ADCY9: variants seen among roughly 807,000 people sequenced by gnomAD.
ADCY9 encodes the protein adenylate cyclase 9.
In ADCY9, 50 loss-of-function variants were observed where a neutral mutation model predicts 101.5. The ratio of observed to expected loss-of-function variants is 0.49; its 90% CI spans 0.39 to 0.62. The LOEUF is 0.62. ADCY9 is among the 20% of genes least tolerant of loss of function. The probability of loss-of-function intolerance (pLI) is 0.00; values close to 1 mark genes in which losing one functional copy is unlikely to be tolerated. For missense variants in ADCY9, 1,662 were observed against 1,800.4 expected, an observed-to-expected ratio of 0.92 and a Z score of 1.39; for synonymous variants, 905 against 769.3, an observed-to-expected ratio of 1.18 and a Z score of -2.92.
At chr16:4,030,125 C>T (rs1445338263) in intron 2 of ADCY9, among the ~76,000 whole-genome samples, 1 of 152,184 alleles carries the variant, frequency 6.6e-6, no homozygotes, top group Non-Finnish European at 1.5e-5. Context: ...TGAAGACACT[C>T]ACACTCTATG....
chr16:3,968,020 T>C (rs893191449), intron 10 of ADCY9, among the ~76,000 whole-genome samples: 3 of 152,090 alleles, frequency 2.0e-5, no homozygotes, highest in East Asian at 3.9e-4. Context: ...TGAAAGTAAG[T>C]TGCTGACATG....
intron 5 of ADCY9, among the ~76,000 whole-genome samples, chr16:3,990,948 C>G (rs965523394): frequency 6.6e-6 from 1 of 152,120 alleles, no homozygotes; most frequent in Non-Finnish European, 1.5e-5. Context: ...GACAGGCACC[C>G]GCCACCACGC....
At chr16:4,023,359 C>T (rs2056491156) in intron 2 of ADCY9, among the ~76,000 whole-genome samples, 1 of 152,190 alleles carries the variant, frequency 6.6e-6, no homozygotes, top group Admixed American at 6.5e-5. Flanking sequence ...AGAGAATACC[C>T]AACATGCGGT....
intron 6 of ADCY9, among the ~76,000 whole-genome samples, chr16:3,987,601 C>T (rs1427321479): frequency 6.6e-6 from 1 of 152,224 alleles, no homozygotes. Flanking sequence ...ACTTGCAAGT[C>T]CACTCCGGGA....
intron 2 of ADCY9, among the ~76,000 whole-genome samples, chr16:4,066,631 C>G (rs1482236070): frequency 6.6e-6 from 1 of 152,098 alleles, no homozygotes; most frequent in Non-Finnish European, 1.5e-5. Flanking sequence ...GTGATCCTCC[C>G]GCCTCAGCCT....
At chr16:4,097,528 C>CATATATATATATATATAT (rs1166805300) in intron 2 of ADCY9, among the ~76,000 whole-genome samples, 2 of 64,538 alleles carry the variant, frequency 3.1e-5, no homozygotes, top group African/African-American at 1.7e-4. Flanking sequence ...TACATATGTA[C>CATATATATATATATATAT]ATATATATAT....
chr16:4,003,641 T>G (rs1336726615), intron 3 of ADCY9, among the ~76,000 whole-genome samples: 3 of 150,282 alleles, frequency 2.0e-5, no homozygotes. Context: ...CACAGCTCAC[T>G]GCAGCCTCTA....
At chr16:3,990,963 C>T (rs2056239319) in intron 5 of ADCY9, among the ~76,000 whole-genome samples, 1 of 152,196 alleles carries the variant, frequency 6.6e-6, no homozygotes, top group East Asian at 1.9e-4. Context: ...CCACGCCCAG[C>T]TAATTTTTGT....
At chr16:4,020,125 A>G (rs895994773) in intron 2 of ADCY9, among the ~76,000 whole-genome samples, 1 of 152,204 alleles carries the variant, frequency 6.6e-6, no homozygotes, top group Admixed American at 6.5e-5. Context: ...ACTTCCCGTG[A>G]TGATGGGTAC....
chr16:3,978,402 G>A lies in ADCY9; in HGVS notation c.2679+714C>T, dbSNP rs560514084. On this transcript the variant is annotated intron_variant, in intron 8 of 10. Coordinates refer to ENST00000294016, the MANE Select transcript of ADCY9 (RefSeq NM_001116.4). ...ACGGCCGTGCTGGTTCCCTCTCCAC[G>A]GAGTTTAGCACAGTTCCCTTCCTGA... is the stretch of plus-strand genomic sequence containing the variant. Among the ~76,000 whole-genome samples the A allele has an allele frequency of 2.6e-5, 4 of 152,312 alleles. No homozygotes were observed. The South Asian group carries it at 8.3e-4, about 32-fold the overall frequency.
At chr16:4,051,632 G>A (rs1183967289) in intron 2 of ADCY9, among the ~76,000 whole-genome samples, 1 of 152,062 alleles carries the variant, frequency 6.6e-6, no homozygotes, top group Non-Finnish European at 1.5e-5. Context: ...CCAAATCTGG[G>A]ACAATCTGGG....
intron 10 of ADCY9, among the ~76,000 whole-genome samples, chr16:3,969,406 GT>G (rs2056027602): frequency 2.7e-5 from 4 of 148,428 alleles, no homozygotes; most frequent in African/African-American, 7.4e-5. Flanking sequence ...GCTAATTTTT[GT>G]ATTTTTTTTT....
At chr16:4,082,566 GCA>G (rs1301869505) in intron 2 of ADCY9, among the ~76,000 whole-genome samples, 1 of 151,588 alleles carries the variant, frequency 6.6e-6, no homozygotes, top group Admixed American at 6.6e-5. Flanking sequence ...ATGCACACAC[GCA>G]CACACACACA....
At chr16:3,960,242 G>A (rs543317480), downstream of ADCY9, among the ~76,000 whole-genome samples, 17 of 151,928 alleles carry the variant, frequency 1.1e-4, no homozygotes, top group Non-Finnish European at 2.2e-4. Flanking sequence ...AGATTTGGCC[G>A]GGCACGGTGG....
At chr16:4,097,173 G>A (rs1032190904) in intron 2 of ADCY9, among the ~76,000 whole-genome samples, 6 of 151,880 alleles carry the variant, frequency 4.0e-5, no homozygotes, top group South Asian at 2.1e-4. Flanking sequence ...TCTGCCCTGC[G>A]CCCCACGCCC....
chr16:4,088,676 G>A (rs759275130), intron 2 of ADCY9, among the ~76,000 whole-genome samples: 11 of 151,876 alleles, frequency 7.2e-5, no homozygotes, highest in Non-Finnish European at 1.5e-4. Context: ...TAACAGCACC[G>A]TCCACCTCAT....
intron 2 of ADCY9, among the ~76,000 whole-genome samples, chr16:4,033,960 A>G (rs564769875): frequency 8.9e-4 from 136 of 152,268 alleles, no homozygotes; most frequent in African/African-American, 3.2e-3. Context: ...CAAAAATTCT[A>G]TTATTATTTG....
intron 2 of ADCY9, among the ~76,000 whole-genome samples, chr16:4,092,812 C>T (rs574501814): frequency 1.3e-5 from 2 of 152,142 alleles, no homozygotes; most frequent in Non-Finnish European, 2.9e-5. Flanking sequence ...GCAGGCTGAA[C>T]GAGCTTAATT....
rs563535206 is a variant in ADCY9 at position 4,104,469 on chromosome 16, G to C, written c.1693+9281C>G. ...TACCACTCAAAATAAAAAATCAGCG[G>C]GGTGTGGTGGTGCATGCCTGTAGTC... On this transcript the variant is annotated intron_variant, in intron 2 of 10. Coordinates refer to ENST00000294016, the MANE Select transcript of ADCY9 (RefSeq NM_001116.4). 3.3e-5 allele frequency among the ~76,000 whole-genome samples: 5 copies of C among 152,244 alleles called. No individual in the cohort carries two copies. In the South Asian group the frequency reaches 1.0e-3, roughly 32 times the overall value.
Sources: allele counts gnomAD v4.1 joint callset (sites outside exome capture counted in the v4.1 genomes callset), GRCh38; gene constraint gnomAD v4.1.1; transcripts MANE v1.5; gene names NCBI Gene and HGNC (gene_info 2026-07-23, HGNC 2026-07-21).